Variants in PDE1A observed in about 807,000 individuals in gnomAD.
PDE1A encodes dual specificity calcium/calmodulin-dependent 3',5'-cyclic nucleotide phosphodiesterase 1A.
Under a neutral mutation model 61.7 loss-of-function variants are expected in PDE1A, and 35 were observed. The observed-to-expected ratio is 0.57, with a 90% CI of 0.43 to 0.75. The LOEUF (loss-of-function observed/expected upper bound fraction) is 0.75. PDE1A is among the 30% of genes least tolerant of loss of function. PDE1A has a pLI of 0.00. For missense variants in PDE1A, 597 were observed against 630.6 expected, an observed-to-expected ratio of 0.95 and a Z score of 0.57; for synonymous variants, 232 against 213.2, an observed-to-expected ratio of 1.09 and a Z score of -0.77.
intron 2 of PDE1A, among the ~76,000 whole-genome samples, chr2:182,498,959 A>T (rs1445986803): frequency 6.6e-6 from 1 of 151,734 alleles, no homozygotes; most frequent in African/African-American, 2.4e-5. Flanking sequence ...AAAAAATAAA[A>T]AAATGACCCT....
the PDE1A span, among the ~76,000 whole-genome samples, chr2:182,612,582 T>C: frequency 6.6e-6 from 1 of 152,200 alleles, no homozygotes; most frequent in Non-Finnish European, 1.5e-5. Context: ...AAAGGCCACA[T>C]GTATTTCACT....
chr2:182,579,699 C>T, the PDE1A span, among the ~76,000 whole-genome samples: 2 of 151,892 alleles, frequency 1.3e-5, no homozygotes, highest in African/African-American at 2.4e-5. Flanking sequence ...TTCCATCATA[C>T]CTAGAAGCAA....
At chr2:182,358,303 T>C (rs187539055) in intron 1 of PDE1A, among the ~76,000 whole-genome samples, 2 of 152,258 alleles carry the variant, frequency 1.3e-5, no homozygotes, top group African/African-American at 2.4e-5. Context: ...AACCAATCAC[T>C]ACTTCTTAAA....
chr2:182,148,268 C>CTG (rs1690600343), intron 13 of PDE1A, among the ~76,000 whole-genome samples: 1 of 152,050 alleles, frequency 6.6e-6, no homozygotes, highest in South Asian at 2.1e-4. Context: ...GAAATGTTGC[C>CTG]TGTGTGTGTG....
intron 2 of PDE1A, among the ~76,000 whole-genome samples, chr2:182,474,677 T>C (rs575402719): frequency 1.3e-5 from 2 of 151,976 alleles, no homozygotes; most frequent in South Asian, 4.1e-4. Flanking sequence ...CTGCTTTTCC[T>C]CAATAATACA....
At chr2:182,642,491 A>G in the PDE1A span, among the ~76,000 whole-genome samples, 1 of 152,252 alleles carries the variant, frequency 6.6e-6, no homozygotes, top group East Asian at 1.9e-4. Flanking sequence ...TGTGAGTTAC[A>G]TGCTCATCCC....
the PDE1A span, among the ~76,000 whole-genome samples, chr2:182,529,569 A>G: frequency 2.6e-5 from 4 of 152,188 alleles, no homozygotes; most frequent in African/African-American, 9.7e-5. Context: ...GGCATGATTG[A>G]TTTTGAAAAG....
At chr2:182,327,961 C>T (rs140899533) in intron 1 of PDE1A, among the ~76,000 whole-genome samples, 156 of 152,284 alleles carry the variant, frequency 1.0e-3, no homozygotes, top group African/African-American at 3.5e-3. Context: ...GATTTAGCAC[C>T]TAAGTAGAAG....
At chr2:182,381,009 G>A (rs1040506640) in intron 1 of PDE1A, among the ~76,000 whole-genome samples, 21 of 152,188 alleles carry the variant, frequency 1.4e-4, no homozygotes, top group Non-Finnish European at 2.5e-4. Flanking sequence ...CATGGCAGAT[G>A]TGATGGTTGT....
intron 2 of PDE1A, among the ~76,000 whole-genome samples, chr2:182,262,986 T>TGTGTGTGTGTGC (rs1692335620): frequency 6.6e-6 from 1 of 152,122 alleles, no homozygotes; most frequent in African/African-American, 2.4e-5. Flanking sequence ...TGTGTGTGTG[T>TGTGTGTGTGTGC]GTGTGTATCT....
upstream of PDE1A, among the ~76,000 whole-genome samples, chr2:182,428,841 A>T (rs1003853365): frequency 4.6e-5 from 7 of 152,162 alleles, no homozygotes; most frequent in African/African-American, 1.7e-4. Flanking sequence ...ATTAACTTTC[A>T]TTTTGTCTTC....
rs184216821 is a variant in PDE1A at position 182,231,526 on chromosome 2, C to T, written c.418-395G>A. ...TTGGGAAATACAGAAAAAATAGTCC[C>T]GGTTTTTCTTTCTTACTCACTTGCT... On this transcript the variant is annotated intron_variant, in intron 4 of 13. Coordinates refer to ENST00000351439, the Ensembl canonical transcript of PDE1A. Among the ~76,000 whole-genome samples, 100 of 152,196 alleles carry T rather than the reference C, an allele frequency of 6.6e-4. 1 individual carries two copies. Among genetic ancestry groups the T allele is most frequent in the Middle Eastern group, 6.8e-3 (2 of 294 alleles).
chr2:182,188,848 T>C, intron 11 of PDE1A, 131 bp downstream of exon 11: 1 of 636,858 alleles, frequency 1.6e-6, no homozygotes, highest in East Asian at 2.7e-5. Context: ...TAGATCCATT[T>C]AAAAATCAAA....
chr2:182,515,448 G>T (rs2125969955), intron 2 of PDE1A, among the ~76,000 whole-genome samples: 1 of 152,268 alleles, frequency 6.6e-6, no homozygotes, highest in East Asian at 1.9e-4. Context: ...CAGCTAAAAA[G>T]CAGGTAGTAT....
chr2:182,245,325 G>A (rs1012550884), intron 2 of PDE1A, among the ~76,000 whole-genome samples: 2 of 152,104 alleles, frequency 1.3e-5, no homozygotes, highest in Non-Finnish European at 2.9e-5. Flanking sequence ...TATTTCAGTT[G>A]ATGAGCCAAT....
At chr2:182,364,466 TAAAAA>T (rs201821721) in intron 1 of PDE1A, among the ~76,000 whole-genome samples, 43 of 35,844 alleles carry the variant, frequency 1.2e-3, no homozygotes, top group Admixed American at 2.1e-3. Context: ...AACACTTTGG[TAAAAA>T]AAAAAAAAAA....
At chr2:182,302,838 C>T (rs1022943067) in intron 1 of PDE1A, among the ~76,000 whole-genome samples, 1 of 152,080 alleles carries the variant, frequency 6.6e-6, no homozygotes, top group Non-Finnish European at 1.5e-5. Flanking sequence ...ATTCTAAATA[C>T]TTTGTTGTTA....
At chr2:182,156,152 A>G (rs1016377625) in intron 13 of PDE1A, among the ~76,000 whole-genome samples, 1 of 152,148 alleles carries the variant, frequency 6.6e-6, no homozygotes, top group Admixed American at 6.6e-5. Context: ...CTATAGCTCA[A>G]ATTATCTAAT....
chr2:182,701,292 C>A, the PDE1A span, among the ~76,000 whole-genome samples: 1 of 152,104 alleles, frequency 6.6e-6, no homozygotes, highest in African/African-American at 2.4e-5. Flanking sequence ...GCCTTGGCCT[C>A]CCAAAGTGCT....
Sources: allele counts gnomAD v4.1 joint callset (sites outside exome capture counted in the v4.1 genomes callset), GRCh38; gene constraint gnomAD v4.1.1; transcripts MANE v1.5; gene names NCBI Gene and HGNC (gene_info 2026-07-23, HGNC 2026-07-21).